Variants in NRG3 observed in about 807,000 individuals in gnomAD.
NRG3 encodes the protein pro-neuregulin-3, membrane-bound isoform.
In NRG3, 31 loss-of-function variants were observed where a neutral mutation model predicts 66.9. That is an observed-to-expected ratio of 0.46 (90% CI 0.35 to 0.63). The LOEUF (loss-of-function observed/expected upper bound fraction) is 0.63, where lower values mean the gene tolerates loss of function less well. NRG3 is among the 20% of genes least tolerant of loss of function. The probability of loss-of-function intolerance (pLI) is 0.00; values close to 1 mark genes in which losing one functional copy is unlikely to be tolerated. For synonymous variants in NRG3, 393 were observed against 359.4 expected (o/e 1.09, Z -1.06); for missense variants, 910 against 878.9 (o/e 1.04, Z -0.45).
At chr10:82,703,982 C>T (rs145512918) in intron 2 of NRG3, among the ~76,000 whole-genome samples, 30 of 152,052 alleles carry the variant, frequency 2.0e-4, no homozygotes, top group African/African-American at 6.7e-4. Context: ...GCCACTTAAA[C>T]GAATGCCAAG....
chr10:82,574,785 G>T (rs1323243222), intron 2 of NRG3, among the ~76,000 whole-genome samples: 2 of 151,720 alleles, frequency 1.3e-5, no homozygotes, highest in Non-Finnish European at 2.9e-5. Context: ...GTTAATTGAA[G>T]CATGTTTTAC....
intron 3 of NRG3, among the ~76,000 whole-genome samples, chr10:82,822,125 C>T (rs890977619): frequency 3.3e-5 from 5 of 152,108 alleles, no homozygotes; most frequent in African/African-American, 4.8e-5. Context: ...GCGAAAACAG[C>T]TCTGTTTCTC....
intron 2 of NRG3, among the ~76,000 whole-genome samples, chr10:82,652,748 C>A (rs1429655557): frequency 6.6e-6 from 1 of 152,154 alleles, no homozygotes; most frequent in African/African-American, 2.4e-5. Context: ...GGGACCCACC[C>A]CTGTCTGCCT....
At chr10:82,163,623 G>T (rs1388066004) in intron 1 of NRG3, among the ~76,000 whole-genome samples, 1 of 152,158 alleles carries the variant, frequency 6.6e-6, no homozygotes, top group Non-Finnish European at 1.5e-5. Flanking sequence ...GCTGGCAAGA[G>T]AGTTCTGGTT....
intron 2 of NRG3, among the ~76,000 whole-genome samples, chr10:82,690,010 C>T (rs2054800035): frequency 6.6e-6 from 1 of 152,138 alleles, no homozygotes; most frequent in African/African-American, 2.4e-5. Flanking sequence ...CATTTCCTTA[C>T]TTCTTTTTGC....
At chr10:81,903,392 C>T (rs1844265060) in intron 1 of NRG3, among the ~76,000 whole-genome samples, 1 of 152,114 alleles carries the variant, frequency 6.6e-6, no homozygotes. Context: ...TTTTTCTCTA[C>T]TCTGACTTGT....
intron 3 of NRG3, among the ~76,000 whole-genome samples, chr10:82,798,085 G>A (rs2060878311): frequency 6.6e-6 from 1 of 152,022 alleles, no homozygotes; most frequent in African/African-American, 2.4e-5. Flanking sequence ...CTGAGGCAAT[G>A]TCTTTGAGAA....
intron 1 of NRG3, among the ~76,000 whole-genome samples, chr10:82,346,902 G>A (rs12266017): frequency 0.013 from 2,023 of 151,856 alleles, 40 homozygotes; most frequent in African/African-American, 0.044. Flanking sequence ...CTGTGGGATC[G>A]GTGGTGATAT....
At chr10:82,509,594 T>A (rs1167313193) in intron 2 of NRG3, among the ~76,000 whole-genome samples, 1 of 152,130 alleles carries the variant, frequency 6.6e-6, no homozygotes, top group African/African-American at 2.4e-5. Context: ...TAAATATCAT[T>A]TTTGAAATTA....
chr10:82,310,733 A>T (rs572534100), intron 1 of NRG3, among the ~76,000 whole-genome samples: 1 of 152,230 alleles, frequency 6.6e-6, no homozygotes, highest in South Asian at 2.1e-4. Flanking sequence ...AGATACAAAA[A>T]CTAGAGAGAT....
In NRG3 at chr10:82,873,466, T is replaced by C. The variant is rs574896377; in HGVS notation, c.1054+8029T>C. Among the ~76,000 whole-genome samples the C allele has an allele frequency of 3.3e-5, 5 of 152,308 alleles. No individual in the cohort carries two copies. In the South Asian group the frequency reaches 6.2e-4, roughly 19 times the overall value. On this transcript the variant is annotated intron_variant, in intron 4 of 8. Transcript: ENST00000372141. The stretch of plus-strand genomic sequence containing the variant: ...ACTTCTTCATAAGCCTAAATATTCA[T>C]GAGTGATGTGAGAAACAACCAATCA...
intron 3 of NRG3, among the ~76,000 whole-genome samples, chr10:82,825,338 A>AT (rs1387305459): frequency 6.6e-6 from 1 of 152,092 alleles, no homozygotes; most frequent in Non-Finnish European, 1.5e-5. Flanking sequence ...TCTTGAGTTA[A>AT]TTTTTTCCTT....
At chr10:82,266,387 G>A (rs943987653) in intron 1 of NRG3, among the ~76,000 whole-genome samples, 2 of 152,022 alleles carry the variant, frequency 1.3e-5, no homozygotes, top group Non-Finnish European at 2.9e-5. Flanking sequence ...AGTAATATGG[G>A]GGCTACAGCG....
At chr10:82,254,636 T>G (rs1036237901) in intron 1 of NRG3, among the ~76,000 whole-genome samples, 11 of 150,542 alleles carry the variant, frequency 7.3e-5, no homozygotes, top group African/African-American at 2.7e-4. Context: ...AGCAAGGAAG[T>G]GCTAAAAACA....
chr10:82,849,637 G>C (rs979760392), intron 3 of NRG3, among the ~76,000 whole-genome samples: 35 of 152,204 alleles, frequency 2.3e-4, no homozygotes, highest in African/African-American at 8.4e-4. Flanking sequence ...AAGAAGGTGA[G>C]AGATTGAGCT....
intron 4 of NRG3, among the ~76,000 whole-genome samples, chr10:82,949,361 G>A (rs114710101): frequency 6.5e-4 from 98 of 151,600 alleles, no homozygotes; most frequent in African/African-American, 2.0e-3. Flanking sequence ...CGTCTTTTTC[G>A]GAATCATGAT....
intron 1 of NRG3, among the ~76,000 whole-genome samples, chr10:82,164,310 A>G (rs1269827122): frequency 6.6e-6 from 1 of 152,130 alleles, no homozygotes; most frequent in Non-Finnish European, 1.5e-5. Context: ...TCAACTCAGG[A>G]TATTTAGGAT....
chr10:81,984,904 C>G (rs149324144), intron 1 of NRG3, among the ~76,000 whole-genome samples: 2 of 152,128 alleles, frequency 1.3e-5, no homozygotes, highest in East Asian at 3.9e-4. Context: ...AGAAAAGAAA[C>G]AGTGAAAAAA....
At chr10:82,845,134 G>C (rs572885987) in intron 3 of NRG3, among the ~76,000 whole-genome samples, 2 of 152,160 alleles carry the variant, frequency 1.3e-5, no homozygotes, top group Non-Finnish European at 2.9e-5. Flanking sequence ...CAGCCTGGGC[G>C]ATAAAGCGAG....
Sources: allele counts gnomAD v4.1 joint callset (sites outside exome capture counted in the v4.1 genomes callset), GRCh38; gene constraint gnomAD v4.1.1; transcripts MANE v1.5; gene names NCBI Gene and HGNC (gene_info 2026-07-23, HGNC 2026-07-21).